The following CTNNA1 variants were observed in gnomAD, a reference collection of about 807,000 sequenced individuals.
The protein encoded by CTNNA1 is catenin alpha-1.
A neutral mutation model predicts 98.4 loss-of-function variants in CTNNA1; 37 were observed. The ratio of observed to expected loss-of-function variants is 0.38; its 90% CI spans 0.29 to 0.49. The LOEUF is 0.49. Ranked by LOEUF, CTNNA1 falls within the 20% of genes least tolerant of loss-of-function variation. CTNNA1 has a pLI of 0.95. For missense variants in CTNNA1, 761 were observed against 1,147.2 expected (o/e 0.66, Z 4.86); for synonymous variants, 404 against 413.2 (o/e 0.98, Z 0.27).
intron 1 of CTNNA1, among the ~76,000 whole-genome samples, chr5:138,773,926 C>T (rs1240066846): frequency 1.3e-5 from 2 of 152,112 alleles, no homozygotes; most frequent in Non-Finnish European, 2.9e-5. Flanking sequence ...CTCTGTCGCC[C>T]TGGCTGGAGT....
At chr5:138,851,515 T>C (rs917904701) in intron 7 of CTNNA1, among the ~76,000 whole-genome samples, 9 of 152,230 alleles carry the variant, frequency 5.9e-5, no homozygotes, top group African/African-American at 2.2e-4. Context: ...CCCAGCACTT[T>C]GGGAGGCCGA....
rs771276047 is a variant in CTNNA1 at position 138,873,146 on chromosome 5, C to T, written c.1063-13066C>T. 1.5e-5 allele frequency: 24 copies of T among 1,613,780 alleles called. No homozygotes were observed. Among genetic ancestry groups the T allele is most frequent in the Admixed American group, 3.3e-5 (2 of 59,988 alleles). ...GTCTGACATGTTTGACATATGGAGT[C>T]GTGTTTGGGATCGGAGCTGCCTGTG... is the stretch of plus-strand genomic sequence containing the variant. On this transcript the variant is annotated intron_variant, in intron 7 of 17. Coordinates refer to ENST00000302763, the MANE Select transcript of CTNNA1 (RefSeq NM_001903.5). The surrounding 1 kb of genome is among the most constrained non-coding windows in gnomAD (Gnocchi z 6.1).
At chr5:138,794,711 A>C (rs1756744944) in intron 3 of CTNNA1, among the ~76,000 whole-genome samples, 1 of 152,230 alleles carries the variant, frequency 6.6e-6, no homozygotes, top group African/African-American at 2.4e-5. Context: ...AAATGAATTA[A>C]AATTTGGCTG....
chr5:138,824,796 T>C lies in CTNNA1; in HGVS notation c.855T>C (p.Phe285=), dbSNP rs756271500. 1 of 1,610,554 alleles carries C rather than the reference T, an allele frequency of 6.2e-7. No homozygotes were observed. Among genetic ancestry groups the C allele is most frequent in the Non-Finnish European group, 8.5e-7 (1 of 1,176,894 alleles). Reference sequence around the variant, plus strand: ...AACTGGCATATGCACTCAATAACTTTGACGTAAGTTATGCTTGGGTGGAAA... The same window carrying C: ...AACTGGCATATGCACTCAATAACTTCGACGTAAGTTATGCTTGGGTGGAAA... ...GGELAYALNN[F]DKQIIVDPLS... Residue 285 remains phenylalanine (F), a synonymous_variant, in exon 6 of 18, where the codon TTT becomes TTC. Transcript: ENST00000302763.
At position 138,924,718 on chromosome 5, in the gene CTNNA1, A is replaced by C; in HGVS notation, c.1747+8A>C. 3.8e-6 allele frequency: 6 copies of C among 1,559,274 alleles called. No individual in the cohort carries two copies. The highest frequency in any genetic ancestry group is 5.2e-6 in the Non-Finnish European group (6 of 1,151,528). The stretch of plus-strand genomic sequence containing the variant: ...AGCTGCTCTCCAACACAGGTACGGG[A>C]ACTCTCCCTTTCCAGTGCTCGCACA... On this transcript the variant is annotated splice_region_variant and intron_variant, in intron 12 of 17. Transcript: ENST00000302763.
intron 3 of CTNNA1, among the ~76,000 whole-genome samples, chr5:138,797,072 T>C (rs1351442531): frequency 1.3e-5 from 2 of 152,248 alleles, no homozygotes; most frequent in Non-Finnish European, 2.9e-5. Context: ...TATAAGCTTT[T>C]ACAGAAAGAT....
chr5:138,797,960 A>G (rs977514509), intron 3 of CTNNA1, among the ~76,000 whole-genome samples: 5 of 152,218 alleles, frequency 3.3e-5, no homozygotes, highest in Admixed American at 6.5e-5. Context: ...TTAGCACAAA[A>G]GGAACAATTA....
intron 11 of CTNNA1, among the ~76,000 whole-genome samples, chr5:138,922,957 C>G (rs1763226140): frequency 6.7e-6 from 1 of 150,216 alleles, no homozygotes; most frequent in Non-Finnish European, 1.5e-5. Context: ...GTAGAAGTAT[C>G]TAGACAAAGG....
At chr5:138,827,805 A>G (rs557759317) in intron 7 of CTNNA1, 87 bp downstream of exon 7, 66 of 1,493,174 alleles carry the variant, frequency 4.4e-5, no homozygotes, top group Middle Eastern at 4.5e-4. Context: ...TTTTCACTAT[A>G]AATACCAAAT....
chr5:138,753,743 C>T, intron 1 of CTNNA1: 1 of 305,140 alleles, frequency 3.3e-6, no homozygotes, highest in Non-Finnish European at 6.0e-6. Context: ...CGGGCACGGC[C>T]GGCGCTTCCC....
intron 3 of CTNNA1, 115 bp from the exon 4 acceptor site, chr5:138,809,923 A>C (rs1758499341): frequency 7.5e-7 from 1 of 1,338,468 alleles, no homozygotes; most frequent in Admixed American, 2.7e-5. Flanking sequence ...GAAAACTCTT[A>C]AACTAAATTT....
rs1765167970 is a variant in CTNNA1, at chr5:138,930,951, G to A, written c.2298+16G>A. The stretch of plus-strand genomic sequence containing the variant: ...TGCAGACCATGTAAGTGACAGACTT[G>A]CCAGGTGGGTCTCCAAGCTCCTCCT... On this transcript the variant is annotated intron_variant, in intron 16 of 17. Coordinates refer to ENST00000302763, the MANE Select transcript of CTNNA1 (RefSeq NM_001903.5). 2 of 1,569,486 alleles carry A rather than the reference G, an allele frequency of 1.3e-6. No individual in the cohort carries two copies. Among genetic ancestry groups the A allele is most frequent in the Admixed American group, 3.3e-5 (2 of 59,926 alleles).
At chr5:138,811,265 T>A (rs1231955941) in intron 4 of CTNNA1, among the ~76,000 whole-genome samples, 1 of 129,212 alleles carries the variant, frequency 7.7e-6, no homozygotes, top group South Asian at 2.6e-4. Context: ...GAGGCGCTCC[T>A]CACATCCCAG....
intron 10 of CTNNA1, among the ~76,000 whole-genome samples, chr5:138,913,596 A>G (rs1761122947): frequency 6.6e-6 from 1 of 152,094 alleles, no homozygotes; most frequent in African/African-American, 2.4e-5. Flanking sequence ...AAAAAAAAAA[A>G]AAATTCAGTT....
At chr5:138,929,151 TC>T in intron 13 of CTNNA1, 94 bp from the exon 14 acceptor site, 1 of 781,082 alleles carries the variant, frequency 1.3e-6, no homozygotes, top group East Asian at 2.4e-5. Flanking sequence ...AATCCAGAAT[TC>T]TGGGCCTCCG....
At chr5:138,764,313 C>G (rs926981733) in intron 1 of CTNNA1, among the ~76,000 whole-genome samples, 6 of 152,034 alleles carry the variant, frequency 3.9e-5, no homozygotes, top group Non-Finnish European at 8.8e-5. Flanking sequence ...TTGCAGTGAG[C>G]TGAGATCGTG....
intron 11 of CTNNA1, among the ~76,000 whole-genome samples, chr5:138,923,273 C>T (rs1199203977): frequency 6.6e-6 from 1 of 152,168 alleles, no homozygotes; most frequent in Non-Finnish European, 1.5e-5. Flanking sequence ...TTTAAAAATG[C>T]TTGTGATGGG....
At chr5:138,759,517 A>G (rs1095374) in intron 1 of CTNNA1, among the ~76,000 whole-genome samples, 99,183 of 152,102 alleles carry the variant, frequency 0.65, 33,082 homozygotes, top group East Asian at 0.93. Flanking sequence ...CCCTTGGCCC[A>G]TTAAATTTCC....
chr5:138,934,096 C>T lies in CTNNA1; in HGVS notation c.*7C>T. 7 of 1,605,396 alleles carry T rather than the reference C, an allele frequency of 4.4e-6. No individual in the cohort carries two copies. In the South Asian group the frequency reaches 7.7e-5, roughly 18 times the overall value. On this transcript the variant is annotated 3_prime_UTR_variant, in exon 18 of 18. Transcript: ENST00000302763. ...AGCTATGGACAGCATCTAAGTCTGC[C>T]CAGGCCGGCCGCCCCCACCCCTCGG...
Sources: gnomAD v4.1 joint callset for allele counts (sites outside exome capture counted in the v4.1 genomes callset) on GRCh38, gnomAD v4.1.1 for gene constraint, Gnocchi (gnomAD v3.1) non-coding constraint, MANE v1.5 for transcripts, NCBI Gene and HGNC (gene_info 2026-07-23, HGNC 2026-07-21) for gene names.